The following IGFN1 variants were observed in gnomAD, a reference collection of about 807,000 sequenced individuals.
IGFN1 encodes immunoglobulin-like and fibronectin type III domain-containing protein 1.
A neutral mutation model predicts 289.5 loss-of-function variants in IGFN1; 253 were observed. The observed-to-expected ratio is 0.87, with a 90% CI of 0.79 to 0.97. The LOEUF is 0.97. Ranked by LOEUF, IGFN1 falls within the 50% of genes least tolerant of loss-of-function variation. The pLI, the probability that IGFN1 is intolerant of heterozygous loss-of-function variation, is 0.00. For missense variants in IGFN1, 4,470 were observed against 4,686.1 expected (o/e 0.95, Z 1.35); for synonymous variants, 1,706 against 1,788.5 (o/e 0.95, Z 1.16).
Position 201,209,290 on chromosome 1 carries a change from C to A in IGFN1, c.4397C>A (p.Ala1466Asp). ...DEAGYRKNLGAPERMDSGSKA... is the reference protein window; with the variant it reads ...DEAGYRKNLGDPERMDSGSKA... ...GCAGGTTATAGGAAAAATTTGGGAG[C>A]TCCTGAGAGAATGGATTCAGGGAGC... The change falls in exon 12 of 24, where the codon GCT becomes GAT. Residue 1466 changes from alanine (A) to aspartate (D), a missense_variant. Ala to Asp is a moderately radical substitution (Grantham distance 126, BLOSUM62 -2). Around this residue, in one of 8 missense-constraint regions of IGFN1, gnomAD observed 2,011 missense variants for 1,953.4 expected, o/e 1.03. Coordinates refer to ENST00000335211, the MANE Select transcript of IGFN1 (RefSeq NM_001164586.2). 1.3e-6 allele frequency: 2 copies of A among 1,482,562 alleles called. No homozygotes were observed. Among genetic ancestry groups the A allele is most frequent in the Non-Finnish European group, 1.8e-6 (2 of 1,127,792 alleles). 91.8% of individuals were successfully genotyped at this position (1,482,562 alleles called of 1,614,324 possible).
rs770273718 is a variant in IGFN1 at position 201,211,411 on chromosome 1, T to C, written c.6518T>C (p.Met2173Thr). Residue 2173 changes from methionine to threonine, a missense_variant, in exon 12 of 24, where the codon ATG becomes ACG. This residue lies in a region of IGFN1 where 2,218 missense variants were observed against 2,114.1 expected (regional missense o/e 1.05). Coordinates refer to ENST00000335211, the MANE Select transcript of IGFN1 (RefSeq NM_001164586.2). Reference protein sequence around the residue: ...GLGSSGEMGSMDEAGYRKDLG... With the variant: ...GLGSSGEMGSTDEAGYRKDLG... The stretch of plus-strand genomic sequence containing the variant: ...GGGAGTTCTGGGGAAATGGGGTCAA[T>C]GGATGAGGCAGGTTATAGGAAGGAT... 4 of 1,496,956 alleles carry C rather than the reference T, an allele frequency of 2.7e-6. No homozygotes were observed. The South Asian group carries it at 5.0e-5, about 19-fold the overall frequency. 92.7% of individuals were successfully genotyped at this position (1,496,956 alleles called of 1,614,324 possible).
At position 201,206,359 on chromosome 1, in the gene IGFN1, G is replaced by A. The variant is rs1049868394; in HGVS notation, c.1466G>A (p.Gly489Asp). ...ADSAWGPGQEGEGFPVAEGSR... is the reference protein window; with the variant it reads ...ADSAWGPGQEDEGFPVAEGSR... ...TCAGCCTGGGGCCCTGGACAGGAGG[G>A]CGAGGGCTTTCCAGTAGCAGAGGGA... Residue 489 changes from glycine to aspartate, a missense_variant, in exon 12 of 24, where the codon GGC becomes GAC. Gly to Asp is a moderately conservative substitution (Grantham distance 94). Coordinates refer to ENST00000335211, the MANE Select transcript of IGFN1 (RefSeq NM_001164586.2). The A allele has an allele frequency of 1.3e-6, 2 of 1,550,402 alleles. No individual in the cohort carries two copies. Among genetic ancestry groups the A allele is most frequent in the African/African-American group, 2.7e-5 (2 of 73,058 alleles).
chr1:201,199,307 CCTT>C, intron 5 of IGFN1, 24 bp from the exon 6 acceptor site: 1 of 1,550,452 alleles, frequency 6.4e-7, no homozygotes, highest in Non-Finnish European at 8.7e-7. Context: ...CACATCGACT[CCTT>C]CCTCTCCTCC....
At position 201,215,067 on chromosome 1, in the gene IGFN1, T is replaced by G. The variant is rs150007380; in HGVS notation, c.8908T>G (p.Phe2970Val). 3.0e-4 allele frequency: 484 copies of G among 1,614,072 alleles called. 3 individuals are homozygous for G. The East Asian group carries it at 4.3e-3, about 14-fold the overall frequency. ...GCAAGACGGTCTCGTGCACAGCCTC[T>G]TCATCACGCATGTGCAGGGGACCCA... ...FKQDGLVHSL[F>V]ITHVQGTQAG... Residue 2970 changes from phenylalanine (F) to valine (V), a missense_variant, in exon 14 of 24, where the codon TTC becomes GTC. This residue lies in a region of IGFN1 where 2,218 missense variants were observed against 2,114.1 expected (regional missense o/e 1.05). Transcript: ENST00000335211.
At chr1:201,193,327 C>A (rs757072351) in intron 2 of IGFN1, 27 bp downstream of exon 2, 1 of 1,528,796 alleles carries the variant, frequency 6.5e-7, no homozygotes, top group South Asian at 1.2e-5. Context: ...TCTCCCCTCC[C>A]CAGCCCTCCC....
At chr1:201,198,319 T>A (rs933831715) in intron 5 of IGFN1, among the ~76,000 whole-genome samples, 3 of 152,122 alleles carry the variant, frequency 2.0e-5, no homozygotes, top group Non-Finnish European at 2.9e-5. Flanking sequence ...TATTTTTAGT[T>A]GAGACAGGGT....
chr1:201,214,366 A>G, intron 13 of IGFN1, 65 bp downstream of exon 13: 1 of 1,501,212 alleles, frequency 6.7e-7, no homozygotes, highest in South Asian at 1.3e-5. Flanking sequence ...AGAGAGGGGC[A>G]AGAGCGTAGA....
At position 201,223,133 on chromosome 1, in the gene IGFN1, T is replaced by C. The variant is rs79384863; in HGVS notation, c.10290+306T>C. The C allele has an allele frequency of 2.6e-3, 601 of 231,930 alleles. 4 individuals carry two copies. The highest frequency in any genetic ancestry group is 1.0e-2 in the African/African-American group (444 of 44,578). 14.4% of individuals were successfully genotyped at this position (231,930 alleles called of 1,614,324 possible). A position where few individuals can be genotyped will look rare whatever the true frequency, so the allele number is the denominator to read the frequency against. The stretch of plus-strand genomic sequence containing the variant: ...AGGCTCTTCGGTTCTCCACCTCTCC[T>C]AGTCTGGGAATTCAGGGAGCCGGTC... On this transcript the variant is annotated intron_variant, in intron 20 of 23. Transcript: ENST00000335211.
rs1001295877 is a variant in IGFN1, at chr1:201,212,093, G to C, written c.7200G>C (p.Thr2400=). Residue 2400 remains threonine (T), a synonymous_variant, in exon 12 of 24, where the codon ACG becomes ACC. Coordinates refer to ENST00000335211, the MANE Select transcript of IGFN1 (RefSeq NM_001164586.2). ...ATTGGGTAGCATCAGAGGGTGACACGAACTCCAAGGATGGTCCAGAGCGAG... is the reference window on the plus strand; with the variant it reads ...ATTGGGTAGCATCAGAGGGTGACACCAACTCCAAGGATGGTCCAGAGCGAG... ...SGYWVASEGD[T]NSKDGPERAR... is the part of the protein sequence containing the mutation. 6.5e-7 allele frequency: 1 copy of C among 1,536,386 alleles called. No homozygotes were observed. The highest frequency in any genetic ancestry group is 8.7e-7 in the Non-Finnish European group (1 of 1,146,774).
chr1:201,197,117 C>T, intron 4 of IGFN1, 101 bp from the exon 5 acceptor site: 1 of 695,260 alleles, frequency 1.4e-6, no homozygotes, highest in Non-Finnish European at 2.6e-6. Flanking sequence ...AGGACAAGGA[C>T]CATGTCTTAC....
rs184943406 is a variant in IGFN1, at chr1:201,195,395, G to A, written c.128-444G>A. Among the ~76,000 whole-genome samples the A allele has an allele frequency of 1.2e-3, 187 of 152,142 alleles. 1 individual carries two copies. The highest frequency in any genetic ancestry group is 4.1e-3 in the African/African-American group (169 of 41,522). On this transcript the variant is annotated intron_variant, in intron 3 of 23. Transcript: ENST00000335211. ...TCGAACTCCTGATCTCAGGTGATAC[G>A]ACTGCCTTGGCCTCCCAAAGTGCTG...
intron 17 of IGFN1, among the ~76,000 whole-genome samples, chr1:201,217,767 A>G (rs989444700): frequency 1.3e-5 from 2 of 152,162 alleles, no homozygotes; most frequent in African/African-American, 4.8e-5. Flanking sequence ...AAAAATTTCA[A>G]TTGTGCTGAG....
Position 201,217,433 on chromosome 1 carries a change from A to T in IGFN1, c.9742A>T (p.Thr3248Ser), listed in dbSNP as rs1320070240. The change falls in exon 17 of 24, where the codon ACG (threonine) becomes TCG (serine). Residue 3248 changes from threonine to serine, a missense_variant. Thr to Ser is a moderately conservative substitution (Grantham distance 58). Around this residue, in one of 8 missense-constraint regions of IGFN1, gnomAD observed 2,218 missense variants for 2,114.1 expected, o/e 1.05. Transcript: ENST00000335211. ...GCGTAAGAAGGGGAGCAACACCTGGACGGCAGTGAACGACCAGCCGGTGCC... is the reference window on the plus strand; with the variant it reads ...GCGTAAGAAGGGGAGCAACACCTGGTCGGCAGTGAACGACCAGCCGGTGCC... Reference protein sequence around the residue: ...ERRKKGSNTWTAVNDQPVPER... With the variant: ...ERRKKGSNTWSAVNDQPVPER... The T allele has an allele frequency of 1.1e-5, 17 of 1,614,032 alleles. No homozygotes were observed. The highest frequency in any genetic ancestry group is 1.4e-5 in the Non-Finnish European group (16 of 1,180,022).
Position 201,212,188 on chromosome 1 carries a change from C to CA in IGFN1, c.7295_7296insA (p.Ala2433CysfsTer28). 6.5e-7 allele frequency: 1 copy of CA among 1,535,304 alleles called. No individual in the cohort carries two copies. The highest frequency in any genetic ancestry group is 8.7e-7 in the Non-Finnish European group (1 of 1,146,174). ...CCTGGGATGGCTGGAATGCCAGGCA[C>CA]TGCAGGTGGCATGGCACACAGAGAC... On this transcript the variant is annotated frameshift_variant, in exon 12 of 24. Transcript: ENST00000335211. LOFTEE classifies it high-confidence loss of function.
Position 201,211,051 on chromosome 1 carries a change from G to C in IGFN1, c.6158G>C (p.Arg2053Thr). The C allele has an allele frequency of 6.7e-7, 1 of 1,502,080 alleles. No homozygotes were observed. Among genetic ancestry groups the C allele is most frequent in the Non-Finnish European group, 8.9e-7 (1 of 1,125,870 alleles). The allele number at this position is 1,502,080 out of a possible 1,614,324, so 93.0% of individuals were successfully genotyped here. A position where few individuals can be genotyped will look rare whatever the true frequency, so the allele number is the denominator to read the frequency against. The change falls in exon 12 of 24, where the codon AGG becomes ACG. Residue 2053 changes from arginine to threonine, a missense_variant. By Grantham distance (71) the Arg-to-Thr change is moderately conservative. Around this residue, in one of 8 missense-constraint regions of IGFN1, gnomAD observed 20 missense variants for 29.1 expected, o/e 0.69. Coordinates refer to ENST00000335211, the MANE Select transcript of IGFN1 (RefSeq NM_001164586.2). ...RIGSGSKAGF[R>T]DGLGSSVEMG... ...GGTTCAGGAAGTAAGGCAGGTTTTAGGGATGGTTTAGGGAGTTCTGTAGAA... is the reference window on the plus strand; with the variant it reads ...GGTTCAGGAAGTAAGGCAGGTTTTACGGATGGTTTAGGGAGTTCTGTAGAA...
Position 201,225,823 on chromosome 1 carries a change from G to A in IGFN1, c.10487-1G>A. On this transcript the variant is annotated splice_acceptor_variant, in intron 21 of 23. Transcript: ENST00000335211. LOFTEE classifies it high-confidence loss of function. ...ACCTCCCTCTGCCGTCTCTCCTGAA[G>A]CATGCCCGCAGGCCCCTGGGCCCAT... 1 of 1,609,676 alleles carries A rather than the reference G, an allele frequency of 6.2e-7. No homozygotes were observed. The highest frequency in any genetic ancestry group is 8.5e-7 in the Non-Finnish European group (1 of 1,178,674).
In IGFN1 at chr1:201,208,586, C is replaced by A. The variant is rs182105982; in HGVS notation, c.3693C>A (p.Ala1231=). 1,144 of 1,489,746 alleles carry A rather than the reference C, an allele frequency of 7.7e-4. 3 individuals carry two copies. Among genetic ancestry groups the A allele is most frequent in the South Asian group, 1.3e-3 (99 of 74,802 alleles). 92.3% of individuals were successfully genotyped at this position (1,489,746 alleles called of 1,614,324 possible). A position where few individuals can be genotyped will look rare whatever the true frequency, so the allele number is the denominator to read the frequency against. The part of the protein sequence containing the change: ...PGPQGTGVRT[A]YGERSRGLGP... ...CTCAGGGAACTGGGGTCAGAACAGC[C>A]TATGGAGAAAGGTCAAGGGGCCTTG... Residue 1231 remains alanine (A), a synonymous_variant, in exon 12 of 24, where the codon GCC becomes GCA. Coordinates refer to ENST00000335211, the MANE Select transcript of IGFN1 (RefSeq NM_001164586.2).
intron 21 of IGFN1, among the ~76,000 whole-genome samples, chr1:201,225,139 G>A (rs527948886): frequency 1.3e-5 from 2 of 152,198 alleles, no homozygotes; most frequent in Admixed American, 6.5e-5. Context: ...TATCCTTCCC[G>A]TTGAGTCAGT....
chr1:201,225,137 C>T (rs1030132814), intron 21 of IGFN1, among the ~76,000 whole-genome samples: 4 of 152,350 alleles, frequency 2.6e-5, no homozygotes, highest in Middle Eastern at 3.4e-3. Flanking sequence ...GTTATCCTTC[C>T]CGTTGAGTCA....
Sources: gnomAD v4.1 joint callset for allele counts (sites outside exome capture counted in the v4.1 genomes callset) on GRCh38, gnomAD v4.1.1 for gene constraint, gnomAD v4.1.1 regional missense constraint, MANE v1.5 for transcripts, NCBI Gene and HGNC (gene_info 2026-07-23, HGNC 2026-07-21) for gene names.